The following FSHR variants were observed in gnomAD, a reference collection of about 807,000 sequenced individuals.
FSHR encodes follicle-stimulating hormone receptor.
In FSHR, 46 loss-of-function variants were observed where a neutral mutation model predicts 52.1. The observed-to-expected ratio is 0.88, with a 90% CI of 0.70 to 1.13. FSHR has a LOEUF of 1.13. Ranked by LOEUF, FSHR falls within the 50% of genes most tolerant of loss-of-function variation. The pLI is 0.00. For missense variants in FSHR, 964 were observed against 834.6 expected, an observed-to-expected ratio of 1.16 and a Z score of -1.91; for synonymous variants, 399 against 309.6, an observed-to-expected ratio of 1.29 and a Z score of -3.03.
intron 1 of FSHR, among the ~76,000 whole-genome samples, chr2:49,086,149 A>G (rs1461266236): frequency 1.3e-5 from 2 of 152,220 alleles, no homozygotes; most frequent in Non-Finnish European, 2.9e-5. Context: ...AGGATATGGG[A>G]GAGCAGTTGT....
At chr2:49,124,290 C>T (rs1055935308) in intron 1 of FSHR, among the ~76,000 whole-genome samples, 2 of 151,880 alleles carry the variant, frequency 1.3e-5, no homozygotes, top group Admixed American at 6.6e-5. Flanking sequence ...CCACCACACC[C>T]GGCCGAGTTT....
At chr2:49,061,506 A>G (rs1043057449) in intron 2 of FSHR, among the ~76,000 whole-genome samples, 2 of 147,494 alleles carry the variant, frequency 1.4e-5, no homozygotes, top group Non-Finnish European at 3.0e-5. Flanking sequence ...GGAAGAGGAT[A>G]TGATTCTAAA....
At chr2:49,126,826 C>T (rs994002349) in intron 1 of FSHR, among the ~76,000 whole-genome samples, 5 of 152,230 alleles carry the variant, frequency 3.3e-5, no homozygotes, top group Admixed American at 6.5e-5. Flanking sequence ...GGACACACCT[C>T]TCAAGATAGA....
At chr2:48,972,121 T>C (rs572565737) in intron 8 of FSHR, among the ~76,000 whole-genome samples, 64 of 152,306 alleles carry the variant, frequency 4.2e-4, no homozygotes, top group African/African-American at 1.5e-3. Flanking sequence ...CTTTGAATAA[T>C]AAAAATGGCC....
chr2:49,099,098 G>C (rs897017801), intron 1 of FSHR, among the ~76,000 whole-genome samples: 9 of 151,770 alleles, frequency 5.9e-5, no homozygotes, highest in Admixed American at 2.0e-4. Context: ...CTGTGGTAGG[G>C]TGAATTGTAT....
intron 1 of FSHR, among the ~76,000 whole-genome samples, chr2:49,117,998 C>T (rs560990183): frequency 6.6e-6 from 1 of 152,202 alleles, no homozygotes; most frequent in African/African-American, 2.4e-5. Flanking sequence ...GAGCCCTGAA[C>T]TACAAACTGG....
At chr2:49,036,092 G>A (rs540244124) in intron 2 of FSHR, among the ~76,000 whole-genome samples, 45 of 152,244 alleles carry the variant, frequency 3.0e-4, no homozygotes, top group African/African-American at 7.0e-4. Context: ...AAAAAGAAAG[G>A]TAGATATATG....
chr2:48,981,035 GCTATTGTGGGGATCAAAGACAT>G (rs1451153229), intron 8 of FSHR, among the ~76,000 whole-genome samples: 4 of 152,160 alleles, frequency 2.6e-5, no homozygotes, highest in African/African-American at 9.7e-5. Flanking sequence ...CTGACATGCT[GCTATTGTGGGGATCAAAGACAT>G]CAAAAGTACT....
chr2:49,109,947 G>T (rs1275667052), intron 1 of FSHR, among the ~76,000 whole-genome samples: 1 of 152,160 alleles, frequency 6.6e-6, no homozygotes, highest in East Asian at 1.9e-4. Context: ...TCCAGAATGA[G>T]AGTTGGGGCT....
At position 49,056,325 on chromosome 2, in the gene FSHR, G is replaced by C. The variant is rs553705366; in HGVS notation, c.224+11894C>G. ...CCTTATAAACAAAACCCTAAAGTGA[G>C]CAGGAATAGCTATACTTACATCAGA... On this transcript the variant is annotated intron_variant, in intron 2 of 9. Coordinates refer to ENST00000406846, the MANE Select transcript of FSHR (RefSeq NM_000145.4). Among the ~76,000 whole-genome samples the C allele has an allele frequency of 1.7e-4, 26 of 151,536 alleles. No homozygotes were observed. In the East Asian group the frequency reaches 5.0e-3, roughly 29 times the overall value.
At chr2:48,976,750 ATTT>A (rs1411056629) in intron 8 of FSHR, among the ~76,000 whole-genome samples, 1 of 151,944 alleles carries the variant, frequency 6.6e-6, no homozygotes, top group Non-Finnish European at 1.5e-5. Context: ...TTTCTTTTAC[ATTT>A]TTTAGTTTAT....
At chr2:49,082,624 G>GA (rs368236895) in intron 1 of FSHR, among the ~76,000 whole-genome samples, 9 of 152,108 alleles carry the variant, frequency 5.9e-5, no homozygotes, top group Admixed American at 5.9e-4. Context: ...TGTATAACTA[G>GA]ATAACCAATA....
At chr2:49,033,651 C>A (rs1489015912) in intron 2 of FSHR, among the ~76,000 whole-genome samples, 1 of 152,078 alleles carries the variant, frequency 6.6e-6, no homozygotes, top group Admixed American at 6.5e-5. Flanking sequence ...GCATGGCGAG[C>A]CTTTCACCCT....
chr2:49,020,447 T>C lies in FSHR; in HGVS notation c.225-287A>G, dbSNP rs115278414. Among the ~76,000 whole-genome samples, 2,076 of 152,228 alleles carry C rather than the reference T, an allele frequency of 0.014. 18 individuals are homozygous for C. The highest frequency in any genetic ancestry group is 0.017 in the African/African-American group (720 of 41,550). Reference sequence around the variant, plus strand: ...GAAGGAAGAGATTTGCTTAAAGATATTTAGGGAATATACAGGATGAGAACA... The same window carrying C: ...GAAGGAAGAGATTTGCTTAAAGATACTTAGGGAATATACAGGATGAGAACA... On this transcript the variant is annotated intron_variant, in intron 2 of 9. Coordinates refer to ENST00000406846, the MANE Select transcript of FSHR (RefSeq NM_000145.4).
At chr2:49,063,931 A>T (rs1193553811) in intron 2 of FSHR, among the ~76,000 whole-genome samples, 1 of 152,172 alleles carries the variant, frequency 6.6e-6, no homozygotes, top group Non-Finnish European at 1.5e-5. Flanking sequence ...ATAGTACACT[A>T]TACTCAATTA....
At chr2:49,127,547 C>A (rs892180808) in intron 1 of FSHR, among the ~76,000 whole-genome samples, 1 of 150,814 alleles carries the variant, frequency 6.6e-6, no homozygotes, top group African/African-American at 2.4e-5. Flanking sequence ...CACACACACA[C>A]CCCATGTACA....
chr2:49,084,280 A>G (rs1670291463), intron 1 of FSHR, among the ~76,000 whole-genome samples: 1 of 152,130 alleles, frequency 6.6e-6, no homozygotes, highest in Non-Finnish European at 1.5e-5. Flanking sequence ...AGAAATAAAG[A>G]TGTTCTTTGA....
chr2:49,111,966 TAG>T (rs1654408756), intron 1 of FSHR, among the ~76,000 whole-genome samples: 1 of 152,198 alleles, frequency 6.6e-6, no homozygotes, highest in African/African-American at 2.4e-5. Flanking sequence ...CCGTAATTTA[TAG>T]AAGAGGGAAC....
chr2:49,093,619 G>T (rs1352385972), intron 1 of FSHR, among the ~76,000 whole-genome samples: 4 of 140,950 alleles, frequency 2.8e-5, no homozygotes, highest in Non-Finnish European at 4.6e-5. Flanking sequence ...TTTTGAGACG[G>T]AGTCTTGCTC....
Sources: allele counts gnomAD v4.1 joint callset (sites outside exome capture counted in the v4.1 genomes callset), GRCh38; gene constraint gnomAD v4.1.1; transcripts MANE v1.5; gene names NCBI Gene and HGNC (gene_info 2026-07-23, HGNC 2026-07-21).